The following COL24A1 variants were observed in gnomAD, a reference collection of about 807,000 sequenced individuals.
The protein encoded by COL24A1 is collagen alpha-1(XXIV) chain.
COL24A1 carries 224 observed loss-of-function variants against 253.9 expected under a neutral mutation model. The ratio of observed to expected loss-of-function variants is 0.88; its 90% CI spans 0.79 to 0.99. The LOEUF is 0.99. Ranked by LOEUF, COL24A1 falls within the 50% of genes least tolerant of loss-of-function variation. The pLI is 0.00. For synonymous variants in COL24A1, 685 were observed against 673.7 expected (o/e 1.02, Z -0.26); for missense variants, 2,131 against 2,068.5 (o/e 1.03, Z -0.59).
rs762861611 is a variant in COL24A1 at position 86,057,997 on chromosome 1, G to T, written c.1807-22C>A. Reference sequence around the variant, plus strand: ...AACCCTGGTGTAAACAAAAGACATTGTCATCATACTACAGTACTTTTTAAA... The same window carrying T: ...AACCCTGGTGTAAACAAAAGACATTTTCATCATACTACAGTACTTTTTAAA... On this transcript the variant is annotated intron_variant, in intron 9 of 59. Transcript: ENST00000370571. The T allele has an allele frequency of 6.2e-6, 10 of 1,604,570 alleles. No homozygotes were observed. The Middle Eastern group carries it at 5.0e-4, about 80-fold the overall frequency.
chr1:86,099,417 G>A (rs1259120745), intron 5 of COL24A1, among the ~76,000 whole-genome samples: 6 of 152,086 alleles, frequency 3.9e-5, no homozygotes, highest in Non-Finnish European at 8.8e-5. Flanking sequence ...ATATAATGTA[G>A]TCCATAGAGA....
At chr1:85,810,547 T>C (rs1672422188) in intron 47 of COL24A1, among the ~76,000 whole-genome samples, 2 of 152,114 alleles carry the variant, frequency 1.3e-5, no homozygotes, top group Admixed American at 1.3e-4. Context: ...TGCCCAAATC[T>C]CATGTTGAAT....
At chr1:86,059,390 T>C (rs1700905800) in intron 8 of COL24A1, among the ~76,000 whole-genome samples, 1 of 152,032 alleles carries the variant, frequency 6.6e-6, no homozygotes, top group Non-Finnish European at 1.5e-5. Flanking sequence ...TGATATATGA[T>C]CATTAATAAT....
chr1:86,011,986 T>G (rs1165580272), intron 19 of COL24A1, among the ~76,000 whole-genome samples: 2 of 151,752 alleles, frequency 1.3e-5, no homozygotes, highest in Non-Finnish European at 2.9e-5. Context: ...TCTGTGTGTG[T>G]TTTTTCTTTT....
intron 2 of COL24A1, among the ~76,000 whole-genome samples, chr1:86,127,320 T>A (rs1056146756): frequency 7.2e-5 from 11 of 152,134 alleles, no homozygotes; most frequent in African/African-American, 2.2e-4. Flanking sequence ...TTATTATTCA[T>A]CGTAATATTA....
chr1:85,896,235 TAGAC>T, intron 29 of COL24A1, 117 bp downstream of exon 29: 4 of 1,210,416 alleles, frequency 3.3e-6, no homozygotes, highest in Non-Finnish European at 4.7e-6. Context: ...GTTTCATACT[TAGAC>T]AAAGAGAAAA....
chr1:85,737,507 T>C lies in COL24A1; in HGVS notation c.4673-2A>G, dbSNP rs1488737207. The C allele has an allele frequency of 1.3e-6, 2 of 1,580,546 alleles. No individual in the cohort carries two copies. Among genetic ancestry groups the C allele is most frequent in the East Asian group, 4.6e-5 (2 of 43,630 alleles). On this transcript the variant is annotated splice_acceptor_variant, in intron 57 of 59. Transcript: ENST00000370571. LOFTEE classifies it high-confidence loss of function. ...GATTTGGGTCAATCCAGTATTTTCC[T>C]AATAATTTATAGTAAAACATAAAGT...
rs905654377 is a variant in COL24A1, at chr1:85,748,614, T to C, written c.4438-3108A>G. ...GACGGGTGATTTCTGCATTTCCATC[T>C]GAGGTACCGGGTTCATCTCACTAGG... On this transcript the variant is annotated intron_variant, in intron 55 of 59. Coordinates refer to ENST00000370571, the MANE Select transcript of COL24A1 (RefSeq NM_152890.7). Among the ~76,000 whole-genome samples, 22 of 149,744 alleles carry C rather than the reference T, an allele frequency of 1.5e-4. 1 individual carries two copies. Among genetic ancestry groups the C allele is most frequent in the African/African-American group, 5.4e-4 (22 of 40,740 alleles).
chr1:86,018,849 C>T (rs1251479582), intron 18 of COL24A1, among the ~76,000 whole-genome samples: 1 of 151,958 alleles, frequency 6.6e-6, no homozygotes, highest in Non-Finnish European at 1.5e-5. Context: ...CGAACAACCT[C>T]AGAGTGGTAG....
chr1:85,840,450 C>T (rs1386546523), intron 42 of COL24A1, among the ~76,000 whole-genome samples: 1 of 152,094 alleles, frequency 6.6e-6, no homozygotes, highest in Non-Finnish European at 1.5e-5. Context: ...TAACTTTCAA[C>T]CATCTCCAAA....
intron 19 of COL24A1, among the ~76,000 whole-genome samples, chr1:86,007,240 A>G (rs1042697396): frequency 3.3e-5 from 5 of 151,256 alleles, no homozygotes; most frequent in Non-Finnish European, 7.4e-5. Flanking sequence ...AAACAAACCC[A>G]CCACCACCAC....
At chr1:86,133,464 T>A (rs1649651693) in intron 2 of COL24A1, among the ~76,000 whole-genome samples, 1 of 152,210 alleles carries the variant, frequency 6.6e-6, no homozygotes, top group African/African-American at 2.4e-5. Flanking sequence ...TTTTTCCCAT[T>A]CAGTAGATAT....
In COL24A1 at chr1:86,125,819, G is replaced by T; in HGVS notation, c.517C>A (p.Gln173Lys). 1 of 1,613,222 alleles carries T rather than the reference G, an allele frequency of 6.2e-7. No individual in the cohort carries two copies. Among genetic ancestry groups the T allele is most frequent in the Non-Finnish European group, 8.5e-7 (1 of 1,179,730 alleles). Residue 173 changes from glutamine (Q) to lysine (K), a missense_variant, in exon 3 of 60, where the codon CAA becomes AAA. By Grantham distance (53) the Gln-to-Lys change is moderately conservative. Transcript: ENST00000370571. Reference protein sequence around the residue: ...WHSFAITIRNQSVSMFVECGK... With the variant: ...WHSFAITIRNKSVSMFVECGK... The stretch of plus-strand genomic sequence containing the variant: ...CACTCAACAAACATTGAGACACTTT[G>T]GTTTCTAATAGTAATGGCAAATGAG...
intron 35 of COL24A1, among the ~76,000 whole-genome samples, chr1:85,870,134 C>G (rs1680281817): frequency 6.6e-6 from 1 of 152,196 alleles, no homozygotes; most frequent in Non-Finnish European, 1.5e-5. Context: ...ATCAATTCAA[C>G]AAGAAGAGCT....
At chr1:85,787,816 C>A (rs1669842036) in intron 47 of COL24A1, among the ~76,000 whole-genome samples, 3 of 152,176 alleles carry the variant, frequency 2.0e-5, no homozygotes, top group Admixed American at 2.0e-4. Context: ...CACTGTCTTC[C>A]ACAATGGTTG....
At chr1:86,140,977 G>A (rs2102384731) in intron 2 of COL24A1, among the ~76,000 whole-genome samples, 1 of 152,250 alleles carries the variant, frequency 6.6e-6, no homozygotes, top group South Asian at 2.1e-4. Flanking sequence ...GGAATTTACT[G>A]AAACCGTGAC....
intron 55 of COL24A1, among the ~76,000 whole-genome samples, chr1:85,756,057 CAAAAAAA>C (rs200030128): frequency 0.5 from 48,371 of 97,312 alleles, 10,150 homozygotes; most frequent in South Asian, 0.65. Context: ...TACTAACAAC[CAAAAAAA>C]AAAAAAAAAA....
intron 4 of COL24A1, among the ~76,000 whole-genome samples, chr1:86,114,554 A>AT (rs1186371174): frequency 6.6e-6 from 1 of 151,960 alleles, no homozygotes. Flanking sequence ...ACTACAGAGA[A>AT]TTTTTTTTAA....
chr1:86,035,343 T>C (rs1698910439), intron 12 of COL24A1, among the ~76,000 whole-genome samples: 1 of 152,194 alleles, frequency 6.6e-6, no homozygotes, highest in Non-Finnish European at 1.5e-5. Context: ...TGAAAGTACT[T>C]ATGACACACA....
Sources: gnomAD v4.1 joint callset for allele counts (sites outside exome capture counted in the v4.1 genomes callset) on GRCh38, gnomAD v4.1.1 for gene constraint, MANE v1.5 for transcripts, NCBI Gene and HGNC (gene_info 2026-07-23, HGNC 2026-07-21) for gene names.